The following CFAP251 variants were observed in gnomAD, a reference collection of about 807,000 sequenced individuals.
The protein encoded by CFAP251 is cilia and flagella associated protein 251.
A neutral mutation model predicts 126.7 loss-of-function variants in CFAP251; 93 were observed. The observed-to-expected ratio is 0.73, with a 90% CI of 0.62 to 0.87. The LOEUF is 0.87. Ranked by LOEUF, CFAP251 falls within the 40% of genes least tolerant of loss-of-function variation. CFAP251 has a pLI of 0.00. For synonymous variants in CFAP251, 503 were observed against 506.9 expected, an observed-to-expected ratio of 0.99 and a Z score of 0.10; for missense variants, 1,287 against 1,389.2, an observed-to-expected ratio of 0.93 and a Z score of 1.17.
chr12:121,928,695 T>C (rs868232710), intron 3 of CFAP251, among the ~76,000 whole-genome samples: 1 of 50,654 alleles, frequency 2.0e-5, no homozygotes, highest in African/African-American at 1.7e-4. Flanking sequence ...TATACGTATA[T>C]ATATATATAT....
chr12:121,924,811 C>T (rs777515044), intron 3 of CFAP251, among the ~76,000 whole-genome samples: 3 of 152,152 alleles, frequency 2.0e-5, no homozygotes, highest in East Asian at 3.8e-4. Context: ...GCGGCATCTG[C>T]GTTCAATGGT....
chr12:121,963,527 C>A, intron 15 of CFAP251, among the ~76,000 whole-genome samples: 1 of 150,944 alleles, frequency 6.6e-6, no homozygotes, highest in East Asian at 2.0e-4. Flanking sequence ...GCAGGGCGTC[C>A]GCTGCTGGGG....
At chr12:121,975,754 CATT>C (rs1882441783) in intron 19 of CFAP251, 69 bp downstream of exon 19, 1 of 1,488,168 alleles carries the variant, frequency 6.7e-7, no homozygotes, top group Non-Finnish European at 8.9e-7. Context: ...TGGGAACAAT[CATT>C]ATAGGTCAAA....
chr12:121,939,510 C>G (rs994049922), intron 5 of CFAP251, among the ~76,000 whole-genome samples: 4 of 152,068 alleles, frequency 2.6e-5, no homozygotes, highest in Admixed American at 2.6e-4. Context: ...CCAGACAGAG[C>G]TGCCCCGTTA....
At chr12:121,985,804 C>T (rs1327587493) in intron 19 of CFAP251, among the ~76,000 whole-genome samples, 1 of 151,892 alleles carries the variant, frequency 6.6e-6, no homozygotes, top group Non-Finnish European at 1.5e-5. Context: ...TGTTGAAAAT[C>T]AAAACAACAC....
chr12:121,952,478 C>A (rs1357283930), intron 9 of CFAP251, among the ~76,000 whole-genome samples: 1 of 151,716 alleles, frequency 6.6e-6, no homozygotes, highest in African/African-American at 2.4e-5. Flanking sequence ...TGAGTGGATC[C>A]CTTATAAAGC....
intron 5 of CFAP251, 22 bp from the exon 6 acceptor site, chr12:121,942,511 GC>G (rs574731290): frequency 9.5e-6 from 15 of 1,576,704 alleles, no homozygotes; most frequent in Non-Finnish European, 1.3e-5. Context: ...AGCAAGTGTC[GC>G]CCCCCTTGTC....
intron 19 of CFAP251, chr12:121,992,242 A>C: frequency 2.0e-6 from 2 of 985,470 alleles, no homozygotes; most frequent in Non-Finnish European, 2.4e-6. Flanking sequence ...TCTCCCAAGC[A>C]TGAACTTTGT....
intron 10 of CFAP251, among the ~76,000 whole-genome samples, chr12:121,954,655 A>ACAAAAC (rs926277057): frequency 2.7e-5 from 4 of 149,388 alleles, no homozygotes; most frequent in Non-Finnish European, 5.9e-5. Flanking sequence ...AAAAAAAAAA[A>ACAAAAC]AAAAAAAAAA....
At chr12:121,947,384 C>T (rs144900181) in intron 7 of CFAP251, among the ~76,000 whole-genome samples, 2 of 152,278 alleles carry the variant, frequency 1.3e-5, no homozygotes, top group Non-Finnish European at 2.9e-5. Context: ...AACCCCAATG[C>T]TCGGATCTCC....
At position 121,966,946 on chromosome 12, in the gene CFAP251, TGCC is replaced by T; in HGVS notation, c.2493-8_2493-6del. 6.2e-7 allele frequency: 1 copy of T among 1,611,374 alleles called. No individual in the cohort carries two copies. The highest frequency in any genetic ancestry group is 1.7e-5 in the Admixed American group (1 of 59,784). Reference sequence around the variant, plus strand: ...GAATTTTAAAAACTCTTTCTCTTTTTGCCTTCAGAAAGACGCTTCTGGGGCCAG... The same window carrying T: ...GAATTTTAAAAACTCTTTCTCTTTTTTTCAGAAAGACGCTTCTGGGGCCAG... On this transcript the variant is annotated splice_region_variant and splice_polypyrimidine_tract_variant and intron_variant, in intron 15 of 21. Transcript: ENST00000288912.
chr12:121,993,618 C>T lies in CFAP251; in HGVS notation c.3007-6098C>T, dbSNP rs1391204282. ...GATGTGGGGAGCGCCTCTGCCCCGC[C>T]GCCCCATCTGGGATGTGAGGAGTGC... On this transcript the variant is annotated intron_variant, in intron 19 of 21. Transcript: ENST00000288912. 1.7e-3 allele frequency among the ~76,000 whole-genome samples: 232 copies of T among 139,968 alleles called. 2 individuals are homozygous for T. The highest frequency in any genetic ancestry group is 5.7e-3 in the African/African-American group (212 of 37,376). The allele number at this position is 139,968 out of a possible 152,430, so 91.8% of individuals were successfully genotyped here. A position where few individuals can be genotyped will look rare whatever the true frequency, so the allele number is the denominator to read the frequency against.
chr12:121,979,955 G>A (rs1321405245), intron 19 of CFAP251, among the ~76,000 whole-genome samples: 1 of 152,236 alleles, frequency 6.6e-6, no homozygotes, highest in East Asian at 1.9e-4. Context: ...GAGTGGGGAT[G>A]TGCAGTGTAA....
intron 10 of CFAP251, chr12:121,955,573 A>C (rs1881699623): frequency 6.6e-6 from 1 of 152,196 alleles, no homozygotes; most frequent in African/African-American, 2.4e-5. Context: ...TCAGTGTGTG[A>C]GAGAAGTTCC....
chr12:121,993,182 C>T (rs1326897831), intron 19 of CFAP251, among the ~76,000 whole-genome samples: 2 of 143,722 alleles, frequency 1.4e-5, no homozygotes, highest in Non-Finnish European at 3.0e-5. Flanking sequence ...TTGGCCGGGC[C>T]GGTCTCCAGC....
chr12:121,975,403 G>A, intron 18 of CFAP251, 69 bp downstream of exon 18: 2 of 1,574,812 alleles, frequency 1.3e-6, no homozygotes, highest in East Asian at 2.2e-5. Flanking sequence ...TGTGCCCAGG[G>A]TTAACCTTGC....
intron 15 of CFAP251, among the ~76,000 whole-genome samples, chr12:121,965,846 G>T (rs1882102095): frequency 6.8e-6 from 1 of 147,028 alleles, no homozygotes; most frequent in African/African-American, 2.5e-5. Flanking sequence ...TTGAGGCAGG[G>T]TCTCACTCTG....
intron 3 of CFAP251, among the ~76,000 whole-genome samples, chr12:121,926,777 C>G (rs1349333705): frequency 6.6e-6 from 1 of 152,022 alleles, no homozygotes; most frequent in Non-Finnish European, 1.5e-5. Context: ...AAACCCCTCT[C>G]CACTAAAAAT....
intron 12 of CFAP251, among the ~76,000 whole-genome samples, 154 bp downstream of exon 12, chr12:121,958,676 C>T (rs1010348539): frequency 2.0e-5 from 3 of 152,222 alleles, no homozygotes; most frequent in African/African-American, 7.2e-5. Flanking sequence ...CCGTGGTGTT[C>T]TGGGCCTATC....
Sources: allele counts gnomAD v4.1 joint callset (sites outside exome capture counted in the v4.1 genomes callset), GRCh38; gene constraint gnomAD v4.1.1; transcripts MANE v1.5; gene names NCBI Gene and HGNC (gene_info 2026-07-23, HGNC 2026-07-21).